Variants in CNTN4 observed in about 807,000 individuals in gnomAD.
CNTN4 encodes the protein contactin-4.
In CNTN4, 77 loss-of-function variants were observed where a neutral mutation model predicts 122.5. The observed-to-expected ratio is 0.63, with a 90% CI of 0.52 to 0.76. CNTN4 has a LOEUF of 0.76. Ranked by LOEUF, CNTN4 falls within the 30% of genes least tolerant of loss-of-function variation. CNTN4 has a pLI of 0.00. For missense variants in CNTN4, 1,256 were observed against 1,259.1 expected (o/e 1.00, Z 0.04); for synonymous variants, 512 against 447.0 (o/e 1.15, Z -1.83).
intron 4 of CNTN4, among the ~76,000 whole-genome samples, chr3:2,590,100 CTG>C (rs2080394233): frequency 6.6e-6 from 1 of 152,202 alleles, no homozygotes; most frequent in African/African-American, 2.4e-5. Context: ...CTGGGACAAA[CTG>C]TCGTCAGTTC....
At chr3:2,381,230 T>A (rs1284618437) in intron 3 of CNTN4, among the ~76,000 whole-genome samples, 1 of 152,164 alleles carries the variant, frequency 6.6e-6, no homozygotes, top group Admixed American at 6.5e-5. Context: ...ATGGTCTCGA[T>A]CTCCTGACCT....
At chr3:2,642,228 C>A (rs1339479296) in intron 4 of CNTN4, among the ~76,000 whole-genome samples, 1 of 152,178 alleles carries the variant, frequency 6.6e-6, no homozygotes, top group Non-Finnish European at 1.5e-5. Flanking sequence ...AGGCAGGAAG[C>A]ATGCAGCATG....
At chr3:2,778,527 C>T (rs2091440090) in intron 6 of CNTN4, among the ~76,000 whole-genome samples, 2 of 152,060 alleles carry the variant, frequency 1.3e-5, no homozygotes, top group Admixed American at 1.3e-4. Flanking sequence ...CTTTAAAATT[C>T]CTATTGCTCT....
At chr3:2,809,654 T>C (rs555845006) in intron 6 of CNTN4, among the ~76,000 whole-genome samples, 1 of 152,274 alleles carries the variant, frequency 6.6e-6, no homozygotes, top group East Asian at 1.9e-4. Context: ...CAGGATGATA[T>C]GAGAAAAGAG....
intron 7 of CNTN4, among the ~76,000 whole-genome samples, chr3:2,842,633 T>C (rs1222919243): frequency 6.6e-6 from 1 of 152,172 alleles, no homozygotes; most frequent in East Asian, 1.9e-4. Context: ...CCATTGGGAC[T>C]TTTCCCCAGA....
intron 2 of CNTN4, among the ~76,000 whole-genome samples, chr3:2,184,383 A>C (rs1255673129): frequency 6.6e-6 from 1 of 152,110 alleles, no homozygotes; most frequent in Middle Eastern, 3.2e-3. Flanking sequence ...AGCCCAGAGC[A>C]TGGGTGAGGG....
At chr3:2,170,414 G>T (rs911372855) in intron 2 of CNTN4, among the ~76,000 whole-genome samples, 3 of 152,110 alleles carry the variant, frequency 2.0e-5, no homozygotes, top group Non-Finnish European at 2.9e-5. Flanking sequence ...AGGAAACTTA[G>T]GAAATCATCA....
intron 2 of CNTN4, among the ~76,000 whole-genome samples, chr3:2,263,013 A>T (rs1294575083): frequency 6.6e-6 from 1 of 152,098 alleles, no homozygotes; most frequent in African/African-American, 2.4e-5. Flanking sequence ...TAGTTGTGGT[A>T]CAACTGTGCT....
Position 2,267,283 on chromosome 3 carries a change from G to A in CNTN4, c.-144-71895G>A, listed in dbSNP as rs532230462. ...TGACCTGTGTGTGTTTGGAAAACAA[G>A]CTTAAATATCTCCTCTTCTCATAGG... On this transcript the variant is annotated intron_variant, in intron 2 of 24. Coordinates refer to ENST00000418658, the MANE Select transcript of CNTN4 (RefSeq NM_175607.3). 2.1e-3 allele frequency among the ~76,000 whole-genome samples: 325 copies of A among 152,186 alleles called. 2 individuals are homozygous for A. Among genetic ancestry groups the A allele is most frequent in the Non-Finnish European group, 3.2e-3 (217 of 67,980 alleles).
intron 2 of CNTN4, among the ~76,000 whole-genome samples, chr3:2,302,650 C>G (rs963207092): frequency 6.6e-6 from 1 of 152,282 alleles, no homozygotes; most frequent in Middle Eastern, 3.4e-3. Context: ...CTACCTCTAC[C>G]TAGGATTCCT....
At chr3:2,725,226 C>T (rs1056205499) in intron 4 of CNTN4, among the ~76,000 whole-genome samples, 3 of 152,118 alleles carry the variant, frequency 2.0e-5, no homozygotes, top group African/African-American at 7.2e-5. Flanking sequence ...GATGTGGTTG[C>T]TGAAATTACC....
chr3:2,411,506 G>A (rs1039832154), intron 3 of CNTN4, among the ~76,000 whole-genome samples: 2 of 152,126 alleles, frequency 1.3e-5, no homozygotes, highest in Admixed American at 6.6e-5. Flanking sequence ...ATATTTTGAA[G>A]TTGCAGCCTT....
chr3:2,198,606 A>G (rs1396172303), intron 2 of CNTN4, among the ~76,000 whole-genome samples: 2 of 152,338 alleles, frequency 1.3e-5, no homozygotes, highest in East Asian at 1.9e-4. Flanking sequence ...GAATTAGCAT[A>G]AAATCAGTCA....
intron 2 of CNTN4, among the ~76,000 whole-genome samples, chr3:2,292,278 A>G (rs961892624): frequency 6.6e-5 from 10 of 152,194 alleles, no homozygotes; most frequent in African/African-American, 2.4e-4. Context: ...GAACTTCACA[A>G]GGGCATTGGC....
chr3:2,578,175 A>T (rs1576072629), intron 4 of CNTN4, among the ~76,000 whole-genome samples: 1 of 152,340 alleles, frequency 6.6e-6, no homozygotes, highest in African/African-American at 2.4e-5. Context: ...ATGAGAACAC[A>T]TACAAAGAAT....
chr3:2,968,383 C>A (rs1184104328), intron 13 of CNTN4, among the ~76,000 whole-genome samples: 1 of 152,096 alleles, frequency 6.6e-6, no homozygotes, highest in Non-Finnish European at 1.5e-5. Flanking sequence ...ATAGTCCATC[C>A]ACAGACTATA....
intron 3 of CNTN4, among the ~76,000 whole-genome samples, chr3:2,381,220 A>T (rs1030511521): frequency 1.3e-4 from 20 of 151,844 alleles, no homozygotes; most frequent in African/African-American, 4.6e-4. Flanking sequence ...GTTAGCCAGG[A>T]TGGTCTCGAT....
intron 2 of CNTN4, among the ~76,000 whole-genome samples, chr3:2,191,707 T>TACACACAC (rs1452715246): frequency 1.4e-5 from 2 of 140,278 alleles, no homozygotes; most frequent in African/African-American, 5.6e-5. Flanking sequence ...TATATATATA[T>TACACACAC]ATACACACAC....
chr3:2,585,476 T>A (rs1395287865), intron 4 of CNTN4, among the ~76,000 whole-genome samples: 1 of 152,084 alleles, frequency 6.6e-6, no homozygotes, highest in Non-Finnish European at 1.5e-5. Context: ...TAAGAAAACG[T>A]GGCACATGTA....
Sources: allele counts gnomAD v4.1 joint callset (sites outside exome capture counted in the v4.1 genomes callset), GRCh38; gene constraint gnomAD v4.1.1; transcripts MANE v1.5; gene names NCBI Gene and HGNC (gene_info 2026-07-23, HGNC 2026-07-21).